RSF1: variants seen among roughly 807,000 people sequenced by gnomAD.
RSF1 encodes the protein remodeling and spacing factor 1, also known as HBV pX-associated protein 8.
A neutral mutation model predicts 145.2 loss-of-function variants in RSF1; 13 were observed. That is an observed-to-expected ratio of 0.09 (90% CI 0.06 to 0.14). The LOEUF is 0.14. Ranked by LOEUF, RSF1 falls within the 10% of genes least tolerant of loss-of-function variation. RSF1 has a pLI of 1.00. For missense variants in RSF1, 1,517 were observed against 1,718.2 expected (o/e 0.88, Z 2.07); for synonymous variants, 577 against 592.6 (o/e 0.97, Z 0.38).
intron 7 of RSF1, among the ~76,000 whole-genome samples, chr11:77,695,365 A>G (rs1960255810): frequency 6.6e-6 from 1 of 152,044 alleles, no homozygotes; most frequent in African/African-American, 2.4e-5. Context: ...TATGCCTTCT[A>G]CATATGTTAT....
intron 2 of RSF1, among the ~76,000 whole-genome samples, chr11:77,754,002 G>C (rs976359617): frequency 1.3e-5 from 2 of 152,138 alleles, no homozygotes; most frequent in African/African-American, 4.8e-5. Flanking sequence ...AAAAACCCTA[G>C]CCCCCAAATG....
At chr11:77,754,175 C>T (rs1268606449) in intron 2 of RSF1, among the ~76,000 whole-genome samples, 2 of 152,104 alleles carry the variant, frequency 1.3e-5, no homozygotes, top group Non-Finnish European at 2.9e-5. Context: ...TCCTATGAGG[C>T]AGTCAAACAG....
the RSF1 span, among the ~76,000 whole-genome samples, chr11:77,850,029 A>G: frequency 6.6e-6 from 1 of 152,234 alleles, no homozygotes; most frequent in South Asian, 2.1e-4. Flanking sequence ...TATGCATTTA[A>G]CACAGTGCCA....
the RSF1 span, among the ~76,000 whole-genome samples, chr11:77,860,461 T>C: frequency 2.0e-5 from 3 of 152,240 alleles, no homozygotes; most frequent in Admixed American, 6.5e-5. Context: ...TTTAGCCTGC[T>C]GTGAGCAGAG....
intron 1 of RSF1, among the ~76,000 whole-genome samples, chr11:77,789,080 C>T (rs1226857845): frequency 6.6e-6 from 1 of 152,078 alleles, no homozygotes; most frequent in Non-Finnish European, 1.5e-5. Context: ...GAAACATCTA[C>T]GGCAAGGAAG....
chr11:77,750,132 C>A (rs1044544451), intron 2 of RSF1, among the ~76,000 whole-genome samples: 1 of 151,468 alleles, frequency 6.6e-6, no homozygotes, highest in Non-Finnish European at 1.5e-5. Flanking sequence ...TAGCTATGCA[C>A]AAAACAGCTA....
the RSF1 span, among the ~76,000 whole-genome samples, chr11:77,843,111 C>G: frequency 2.0e-5 from 3 of 152,206 alleles, no homozygotes; most frequent in Non-Finnish European, 4.4e-5. Flanking sequence ...TCCAAGGCAC[C>G]TGCACCATTT....
chr11:77,842,597 G>A, the RSF1 span: 4 of 1,613,768 alleles, frequency 2.5e-6, no homozygotes, highest in Admixed American at 3.3e-5. Context: ...GGGGGTAGTC[G>A]GACTTGGGAT....
intron 1 of RSF1, among the ~76,000 whole-genome samples, chr11:77,779,443 C>T (rs939374421): frequency 2.7e-5 from 4 of 150,546 alleles, no homozygotes; most frequent in African/African-American, 4.9e-5. Context: ...AGTGCAATGG[C>T]GCGATCTTGG....
chr11:77,783,509 G>A (rs781636220), intron 1 of RSF1, among the ~76,000 whole-genome samples: 1 of 152,104 alleles, frequency 6.6e-6, no homozygotes, highest in Non-Finnish European at 1.5e-5. Context: ...GCTAGATATA[G>A]AAGTTTTCAT....
At chr11:77,868,730 A>T in the RSF1 span, 1 of 226,696 alleles carries the variant, frequency 4.4e-6, no homozygotes, top group Non-Finnish European at 9.8e-6. Flanking sequence ...GTGAATTCAC[A>T]GGGAATAGGC....
chr11:77,867,185 A>T, the RSF1 span, among the ~76,000 whole-genome samples: 1 of 152,074 alleles, frequency 6.6e-6, no homozygotes, highest in Non-Finnish European at 1.5e-5. Context: ...TATCTCCATA[A>T]CGTCTCATCT....
chr11:77,693,041 A>G (rs1478577781), intron 8 of RSF1, among the ~76,000 whole-genome samples: 1 of 152,222 alleles, frequency 6.6e-6, no homozygotes, highest in African/African-American at 2.4e-5. Flanking sequence ...TGAGCACAGC[A>G]GCACAGAAAT....
intron 4 of RSF1, among the ~76,000 whole-genome samples, chr11:77,734,187 C>T (rs1961278730): frequency 6.6e-6 from 1 of 151,968 alleles, no homozygotes; most frequent in African/African-American, 2.4e-5. Flanking sequence ...TTAACTACTT[C>T]TATTGTTTTG....
At chr11:77,693,248 G>T (rs924890092) in intron 8 of RSF1, among the ~76,000 whole-genome samples, 2 of 152,084 alleles carry the variant, frequency 1.3e-5, no homozygotes, top group South Asian at 4.1e-4. Flanking sequence ...TACACTTGGT[G>T]CTTTTTGTGC....
chr11:77,705,888 C>T (rs1250771162), intron 5 of RSF1, among the ~76,000 whole-genome samples: 1 of 151,894 alleles, frequency 6.6e-6, no homozygotes, highest in African/African-American at 2.4e-5. Context: ...ACCCAACAAA[C>T]CAACAAAAAA....
intron 1 of RSF1, among the ~76,000 whole-genome samples, chr11:77,786,718 TA>T (rs979953058): frequency 1.3e-5 from 2 of 152,062 alleles, no homozygotes; most frequent in African/African-American, 2.4e-5. Context: ...CCAAATCTCT[TA>T]AAATACAGTA....
intron 3 of RSF1, among the ~76,000 whole-genome samples, chr11:77,745,233 TTTATC>T (rs1398138058): frequency 3.3e-5 from 5 of 152,274 alleles, no homozygotes; most frequent in African/African-American, 1.2e-4. Flanking sequence ...CTTAGTTTTG[TTTATC>T]TTTTCTACTG....
At chr11:77,763,601 C>T (rs1470809410) in intron 2 of RSF1, 1 of 152,126 alleles carries the variant, frequency 6.6e-6, no homozygotes, top group Non-Finnish European at 1.5e-5. Context: ...AAGCACTAAA[C>T]AGCGCCTGGT....
Sources: allele counts gnomAD v4.1 joint callset (sites outside exome capture counted in the v4.1 genomes callset), GRCh38; gene constraint gnomAD v4.1.1; transcripts MANE v1.5; gene names NCBI Gene and HGNC (gene_info 2026-07-23, HGNC 2026-07-21).